The following MEGF11 variants were observed in gnomAD, a reference collection of about 807,000 sequenced individuals.
The protein encoded by MEGF11 is multiple epidermal growth factor-like domains protein 11.
A neutral mutation model predicts 146.6 loss-of-function variants in MEGF11; 126 were observed. The observed-to-expected ratio is 0.86, with a 90% CI of 0.74 to 1.00. The LOEUF (loss-of-function observed/expected upper bound fraction) is 1.00, where lower values mean the gene tolerates loss of function less well. Among genes scored for constraint, MEGF11 ranks in the 50% least tolerant of loss-of-function variants. MEGF11 has a pLI of 0.00. For missense variants in MEGF11, 1,509 were observed against 1,521.2 expected (o/e 0.99, Z 0.13); for synonymous variants, 532 against 583.4 (o/e 0.91, Z 1.27).
At chr15:66,095,963 C>T (rs758335268) in intron 4 of MEGF11, among the ~76,000 whole-genome samples, 8 of 152,220 alleles carry the variant, frequency 5.3e-5, no homozygotes, top group Non-Finnish European at 1.2e-4. Flanking sequence ...GCTGCTCACG[C>T]GGCAGCTAGC....
intron 5 of MEGF11, among the ~76,000 whole-genome samples, chr15:66,050,759 G>A (rs1231077061): frequency 6.6e-6 from 1 of 152,154 alleles, no homozygotes; most frequent in Non-Finnish European, 1.5e-5. Flanking sequence ...CAGCTCCAGG[G>A]GAGTCCACAC....
chr15:66,202,768 C>T (rs1792915204), intron 1 of MEGF11, among the ~76,000 whole-genome samples: 2 of 152,236 alleles, frequency 1.3e-5, no homozygotes, highest in Admixed American at 1.3e-4. Context: ...CTGCTCCCCT[C>T]TCCAGAAGCT....
intron 4 of MEGF11, among the ~76,000 whole-genome samples, chr15:66,112,189 A>G (rs918456990): frequency 1.1e-4 from 17 of 152,152 alleles, no homozygotes; most frequent in African/African-American, 4.1e-4. Context: ...TAATAGAACT[A>G]ATCGCTCGAG....
intron 4 of MEGF11, among the ~76,000 whole-genome samples, chr15:66,108,831 C>CA (rs2140839850): frequency 6.6e-6 from 1 of 152,296 alleles, no homozygotes; most frequent in East Asian, 1.9e-4. Flanking sequence ...TGGCAAGTTC[C>CA]CGTAGAGAAA....
intron 5 of MEGF11, among the ~76,000 whole-genome samples, chr15:66,018,293 C>T (rs1305405438): frequency 6.6e-6 from 1 of 152,222 alleles, no homozygotes; most frequent in Non-Finnish European, 1.5e-5. Context: ...CAGCCAGTGG[C>T]CCTGCCCATT....
At chr15:66,166,448 C>G (rs1395755329) in intron 1 of MEGF11, among the ~76,000 whole-genome samples, 1 of 152,192 alleles carries the variant, frequency 6.6e-6, no homozygotes, top group East Asian at 1.9e-4. Flanking sequence ...ACCCTCTACT[C>G]AGCAGCCAGG....
chr15:66,027,252 T>C (rs985478219), intron 5 of MEGF11, among the ~76,000 whole-genome samples: 5 of 152,220 alleles, frequency 3.3e-5, no homozygotes, highest in African/African-American at 1.2e-4. Flanking sequence ...AAATCCCGAC[T>C]TTACCCCTTC....
At position 66,136,204 on chromosome 15, in the gene MEGF11, G is replaced by A. The variant is rs181942120; in HGVS notation, c.-8-7793C>T. Among the ~76,000 whole-genome samples the A allele has an allele frequency of 1.4e-3, 216 of 152,366 alleles. 1 individual carries two copies. Among genetic ancestry groups the A allele is most frequent in the African/African-American group, 5.1e-3 (213 of 41,594 alleles). ...TTCTTGTGAGGATTAAACAGGTAATGCAGGTGGTGCCCTGCAAACTGCAGC... is the reference window on the plus strand; with the variant it reads ...TTCTTGTGAGGATTAAACAGGTAATACAGGTGGTGCCCTGCAAACTGCAGC... On this transcript the variant is annotated intron_variant, in intron 1 of 25. Transcript: ENST00000395614.
chr15:66,104,493 C>T (rs1158769526), intron 4 of MEGF11, among the ~76,000 whole-genome samples: 1 of 152,252 alleles, frequency 6.6e-6, no homozygotes, highest in African/African-American at 2.4e-5. Flanking sequence ...TTTCTAATCA[C>T]TTTGCCTCTC....
chr15:66,209,222 C>T (rs1393266730), intron 1 of MEGF11, among the ~76,000 whole-genome samples: 13 of 152,074 alleles, frequency 8.5e-5, no homozygotes, highest in East Asian at 7.7e-4. Context: ...TGGTGGCGGG[C>T]GCCTGCAGTC....
At chr15:65,944,327 G>A (rs1157396387) in intron 10 of MEGF11, among the ~76,000 whole-genome samples, 1 of 152,238 alleles carries the variant, frequency 6.6e-6, no homozygotes, top group African/African-American at 2.4e-5. Context: ...GGCTTTATAA[G>A]GAGGTGGCAA....
chr15:66,118,738 C>T (rs541059449), intron 4 of MEGF11, among the ~76,000 whole-genome samples: 1 of 152,314 alleles, frequency 6.6e-6, no homozygotes, highest in South Asian at 2.1e-4. Flanking sequence ...TGAGCACCTG[C>T]ACATCTTAAC....
intron 1 of MEGF11, among the ~76,000 whole-genome samples, chr15:66,240,935 C>T (rs1415041974): frequency 6.6e-6 from 1 of 152,206 alleles, no homozygotes; most frequent in East Asian, 1.9e-4. Flanking sequence ...GAAAAGACAT[C>T]TTTGACTCCT....
intron 10 of MEGF11, among the ~76,000 whole-genome samples, chr15:65,939,292 C>T (rs1035796744): frequency 6.6e-6 from 1 of 152,122 alleles, no homozygotes; most frequent in Non-Finnish European, 1.5e-5. Flanking sequence ...TGACTCAAGG[C>T]AAGAATGGGT....
chr15:65,912,847 A>G (rs1359800347), intron 20 of MEGF11, among the ~76,000 whole-genome samples: 1 of 152,182 alleles, frequency 6.6e-6, no homozygotes, highest in Non-Finnish European at 1.5e-5. Context: ...AGAAGGCAAC[A>G]CTTAGCAGGA....
At chr15:66,129,136 C>T (rs750132579) in intron 1 of MEGF11, among the ~76,000 whole-genome samples, 27 of 152,334 alleles carry the variant, frequency 1.8e-4, no homozygotes, top group Non-Finnish European at 3.1e-4. Context: ...TATGTGCCTA[C>T]GTGGGATGCC....
chr15:66,001,487 A>G (rs899068147), intron 5 of MEGF11, among the ~76,000 whole-genome samples: 1 of 152,036 alleles, frequency 6.6e-6, no homozygotes, highest in African/African-American at 2.4e-5. Flanking sequence ...CTGAAATACT[A>G]AAATGGTGGT....
intron 1 of MEGF11, among the ~76,000 whole-genome samples, chr15:66,239,932 A>T (rs2092175782): frequency 6.6e-6 from 1 of 152,202 alleles, no homozygotes; most frequent in African/African-American, 2.4e-5. Context: ...ACCTGCAACA[A>T]ACTGTTCTGA....
intron 8 of MEGF11, among the ~76,000 whole-genome samples, chr15:65,969,386 C>A (rs1278381764): frequency 6.6e-6 from 1 of 152,158 alleles, no homozygotes; most frequent in African/African-American, 2.4e-5. Flanking sequence ...TGGGAACATG[C>A]ACTCAATGTT....
Sources: gnomAD v4.1 joint callset for allele counts (sites outside exome capture counted in the v4.1 genomes callset) on GRCh38, gnomAD v4.1.1 for gene constraint, MANE v1.5 for transcripts, NCBI Gene and HGNC (gene_info 2026-07-23, HGNC 2026-07-21) for gene names.